Variants in GRIP1 observed in about 807,000 individuals in gnomAD.
The protein encoded by GRIP1 is glutamate receptor interacting protein 1.
In GRIP1, 45 loss-of-function variants were observed where a neutral mutation model predicts 129.9. The ratio of observed to expected loss-of-function variants is 0.35; its 90% CI spans 0.27 to 0.44. GRIP1 has a LOEUF of 0.44. GRIP1 is among the 20% of genes least tolerant of loss of function. GRIP1 has a pLI of 1.00. For synonymous variants in GRIP1, 530 were observed against 520.8 expected, an observed-to-expected ratio of 1.02 and a Z score of -0.24; for missense variants, 1,196 against 1,396.8, an observed-to-expected ratio of 0.86 and a Z score of 2.29.
intron 1 of GRIP1, among the ~76,000 whole-genome samples, chr12:67,019,069 GAAC>G (rs1171961866): frequency 6.6e-6 from 1 of 152,182 alleles, no homozygotes; most frequent in East Asian, 1.9e-4. Context: ...GTTTTAATAA[GAAC>G]AACAGAGCAC....
In GRIP1 at chr12:66,480,152, T is replaced by C. The variant is rs150838704; in HGVS notation, c.725-14730A>G. On this transcript the variant is annotated intron_variant, in intron 7 of 24. Transcript: ENST00000359742. ...TTGTGTCTGTTTGCAGATGACATCATTGTATATTTAGAAAACCTCATCATG... is the reference window on the plus strand; with the variant it reads ...TTGTGTCTGTTTGCAGATGACATCACTGTATATTTAGAAAACCTCATCATG... Among the ~76,000 whole-genome samples the C allele has an allele frequency of 2.3e-3, 347 of 152,334 alleles. 3 individuals carry two copies. Among genetic ancestry groups the C allele is most frequent in the African/African-American group, 8.1e-3 (338 of 41,582 alleles).
chr12:66,441,313 C>T lies in GRIP1; in HGVS notation c.1687+3271G>A, dbSNP rs191897324. 1.4e-3 allele frequency among the ~76,000 whole-genome samples: 209 copies of T among 152,286 alleles called. 1 individual carries two copies. The highest frequency in any genetic ancestry group is 4.8e-3 in the African/African-American group (201 of 41,552). ...CGTTTCTCAAGGTACACCTTCATCG[C>T]CTTTGCTCACACTTTTTTCCCTTTA... On this transcript the variant is annotated intron_variant, in intron 13 of 24. Transcript: ENST00000359742.
intron 1 of GRIP1, among the ~76,000 whole-genome samples, chr12:67,004,994 T>C (rs1478804957): frequency 6.7e-6 from 1 of 149,992 alleles, no homozygotes; most frequent in Non-Finnish European, 1.5e-5. Context: ...TTTTCAAAAG[T>C]CATAAGATGA....
intron 1 of GRIP1, among the ~76,000 whole-genome samples, chr12:66,836,799 G>A (rs2039622219): frequency 6.6e-6 from 1 of 152,116 alleles, no homozygotes; most frequent in South Asian, 2.1e-4. Flanking sequence ...CTCATTTACA[G>A]GCTGGCAGCA....
At position 66,885,406 on chromosome 12, in the gene GRIP1, A is replaced by G. The variant is rs1227691750; in HGVS notation, c.58+183644T>C. Among the ~76,000 whole-genome samples the G allele has an allele frequency of 2.0e-5, 3 of 152,294 alleles. No individual in the cohort carries two copies. In the East Asian group the frequency reaches 5.8e-4, roughly 29 times the overall value. ...GCTGAGGGCTGCCGGCCAATGTGCT[A>G]TTCTCTCAGGATGGTCTGAGACAAA... is the stretch of plus-strand genomic sequence containing the variant. On this transcript the variant is annotated intron_variant, in intron 1 of 1. Transcript: ENST00000643019.
intron 1 of GRIP1, among the ~76,000 whole-genome samples, chr12:67,008,774 T>C (rs2042663832): frequency 6.6e-6 from 1 of 152,182 alleles, no homozygotes. Context: ...ATTAATTTTG[T>C]AACTAATAAC....
At chr12:66,802,767 T>G (rs947757060) in intron 1 of GRIP1, among the ~76,000 whole-genome samples, 1 of 152,198 alleles carries the variant, frequency 6.6e-6, no homozygotes, top group Non-Finnish European at 1.5e-5. Context: ...GAATTACACA[T>G]GCAATCTGAC....
intron 1 of GRIP1, among the ~76,000 whole-genome samples, chr12:66,785,099 G>GA (rs1378067590): frequency 6.6e-6 from 1 of 151,752 alleles, no homozygotes; most frequent in Non-Finnish European, 1.5e-5. Context: ...CATAGGCCTT[G>GA]AACTCCAAAT....
intron 11 of GRIP1, among the ~76,000 whole-genome samples, chr12:66,447,361 T>C (rs12581680): frequency 0.078 from 11,835 of 152,268 alleles, 1,257 homozygotes; most frequent in African/African-American, 0.23. Context: ...AAAGTCACTA[T>C]GAATTCACAA....
chr12:66,931,487 G>C (rs1303695943), intron 1 of GRIP1, among the ~76,000 whole-genome samples: 1 of 152,178 alleles, frequency 6.6e-6, no homozygotes, highest in Non-Finnish European at 1.5e-5. Context: ...GACGGACAGA[G>C]AAAAACAAGG....
At chr12:66,535,215 A>G (rs2061571468) in intron 4 of GRIP1, among the ~76,000 whole-genome samples, 1 of 152,146 alleles carries the variant, frequency 6.6e-6, no homozygotes, top group East Asian at 1.9e-4. Context: ...TTCTTTTAGG[A>G]AGGGGTTGTG....
chr12:66,708,958 C>A (rs946864876), intron 1 of GRIP1, among the ~76,000 whole-genome samples: 4 of 151,612 alleles, frequency 2.6e-5, no homozygotes, highest in Non-Finnish European at 5.9e-5. Context: ...CAGATATATT[C>A]TCTCTGATAA....
chr12:66,445,730 A>G (rs1188371995), intron 11 of GRIP1, among the ~76,000 whole-genome samples: 1 of 152,030 alleles, frequency 6.6e-6, no homozygotes, highest in Non-Finnish European at 1.5e-5. Context: ...CTGGCTCCCT[A>G]CTCCTCAAAC....
chr12:66,435,792 G>C (rs1331822395), intron 13 of GRIP1, among the ~76,000 whole-genome samples: 1 of 152,172 alleles, frequency 6.6e-6, no homozygotes, highest in Non-Finnish European at 1.5e-5. Context: ...CTGGAAAACA[G>C]TAATGAATCA....
At chr12:66,628,871 A>G in intron 1 of GRIP1, among the ~76,000 whole-genome samples, 1 of 152,202 alleles carries the variant, frequency 6.6e-6, no homozygotes, top group East Asian at 1.9e-4. Context: ...AAATAATCAC[A>G]GTTTAGAGTT....
intron 1 of GRIP1, among the ~76,000 whole-genome samples, chr12:67,039,573 T>C (rs980943114): frequency 1.3e-5 from 2 of 152,164 alleles, no homozygotes; most frequent in African/African-American, 4.8e-5. Flanking sequence ...AAAAGCTCCA[T>C]TTCCAGAAAG....
At chr12:66,635,296 G>A (rs1437372983) in intron 1 of GRIP1, among the ~76,000 whole-genome samples, 1 of 151,800 alleles carries the variant, frequency 6.6e-6, no homozygotes, top group Admixed American at 6.6e-5. Flanking sequence ...ATGCAGGCTT[G>A]TGGTCCTAGC....
intron 23 of GRIP1, among the ~76,000 whole-genome samples, chr12:66,369,475 G>A (rs1391936567): frequency 6.7e-6 from 1 of 149,376 alleles, no homozygotes; most frequent in Non-Finnish European, 1.5e-5. Context: ...CAGGTCTTTT[G>A]TATTCCTGGG....
intron 23 of GRIP1, among the ~76,000 whole-genome samples, chr12:66,366,104 T>A (rs1463613914): frequency 6.6e-6 from 1 of 152,210 alleles, no homozygotes; most frequent in Non-Finnish European, 1.5e-5. Flanking sequence ...ATATATTCAA[T>A]GTGTTGTTTT....
Sources: allele counts gnomAD v4.1 joint callset (sites outside exome capture counted in the v4.1 genomes callset), GRCh38; gene constraint gnomAD v4.1.1; transcripts MANE v1.5; gene names NCBI Gene and HGNC (gene_info 2026-07-23, HGNC 2026-07-21).